KDM4C: variants seen among roughly 807,000 people sequenced by gnomAD.
The protein encoded by KDM4C is lysine demethylase 4C.
Under a neutral mutation model 129.3 loss-of-function variants are expected in KDM4C, and 81 were observed. That is an observed-to-expected ratio of 0.63 (90% confidence interval 0.52 to 0.75). KDM4C has a LOEUF of 0.75. Among genes scored for constraint, KDM4C ranks in the 30% least tolerant of loss-of-function variants. The pLI, the probability that KDM4C is intolerant of heterozygous loss-of-function variation, is 0.00. For synonymous variants in KDM4C, 573 were observed against 456.1 expected, an observed-to-expected ratio of 1.26 and a Z score of -3.26; for missense variants, 1,457 against 1,304.0, an observed-to-expected ratio of 1.12 and a Z score of -1.81.
At chr9:6,768,674 C>G (rs1467814258) in intron 1 of KDM4C, among the ~76,000 whole-genome samples, 1 of 152,074 alleles carries the variant, frequency 6.6e-6, no homozygotes, top group Non-Finnish European at 1.5e-5. Flanking sequence ...AAGCATCCTT[C>G]AATCTCAAAT....
At chr9:6,930,741 A>T (rs1347906549) in intron 8 of KDM4C, among the ~76,000 whole-genome samples, 1 of 136,800 alleles carries the variant, frequency 7.3e-6, no homozygotes, top group African/African-American at 2.5e-5. Context: ...TAATTATATT[A>T]TTATGTATCA....
intron 15 of KDM4C, among the ~76,000 whole-genome samples, chr9:7,027,580 A>G (rs1220594858): frequency 6.6e-6 from 1 of 152,104 alleles, no homozygotes; most frequent in Non-Finnish European, 1.5e-5. Context: ...GCCCACTGTA[A>G]CCACTACTTG....
At chr9:6,907,336 A>T (rs191074029) in intron 8 of KDM4C, among the ~76,000 whole-genome samples, 28 of 152,304 alleles carry the variant, frequency 1.8e-4, no homozygotes, top group Middle Eastern at 3.4e-3. Flanking sequence ...GCAAACCCTC[A>T]TCTTTTATGC....
Position 6,758,026 on chromosome 9 carries a change from G to C in KDM4C, c.-195G>C, listed in dbSNP as rs1451644166. ...CTGCCTCCCACCCACCCCCTCGACG[G>C]GAGGGTGAGGCGCGGCGCAGTGATC... On this transcript the variant is annotated 5_prime_UTR_variant, in exon 1 of 22. Transcript: ENST00000381309. The surrounding 1 kb of genome is among the most constrained non-coding windows in gnomAD (Gnocchi z 4.6). 1 of 985,344 alleles carries C rather than the reference G, an allele frequency of 1.0e-6. No homozygotes were observed. The highest frequency in any genetic ancestry group is 1.7e-5 in the African/African-American group (1 of 57,250). 61.0% of individuals were successfully genotyped at this position (985,344 alleles called of 1,614,324 possible).
At chr9:7,024,111 C>T (rs1455957838) in intron 15 of KDM4C, among the ~76,000 whole-genome samples, 4 of 152,054 alleles carry the variant, frequency 2.6e-5, no homozygotes, top group East Asian at 1.9e-4. Context: ...CTGTGACCTT[C>T]GTATGAAATG....
At chr9:6,722,625 T>C (rs1816992842) in intron 1 of KDM4C, among the ~76,000 whole-genome samples, 1 of 151,860 alleles carries the variant, frequency 6.6e-6, no homozygotes, top group African/African-American at 2.4e-5. Flanking sequence ...GTGATTCTCC[T>C]GCCTCAGGCT....
rs1430221791 is a variant in KDM4C at position 6,888,068 on chromosome 9, G to A, written c.783+5G>A. The A allele has an allele frequency of 1.4e-6, 2 of 1,423,104 alleles. No individual in the cohort carries two copies. The highest frequency in any genetic ancestry group is 2.0e-6 in the Non-Finnish European group (2 of 1,016,958). The allele number at this position is 1,423,104 out of a possible 1,614,324, so 88.2% of individuals were successfully genotyped here. On this transcript the variant is annotated splice_donor_5th_base_variant and intron_variant, in intron 7 of 21. Coordinates refer to ENST00000381309, the MANE Select transcript of KDM4C (RefSeq NM_015061.6). ...TATGGTATTCCCTTTGACAAGGTAT[G>A]TTAGTATTCATCTTACACAAATTAA...
Position 6,923,034 on chromosome 9 carries a change from A to G in KDM4C, c.921+29802A>G, listed in dbSNP as rs1821820726. On this transcript the variant is annotated intron_variant, in intron 8 of 21. Coordinates refer to ENST00000381309, the MANE Select transcript of KDM4C (RefSeq NM_015061.6). Reference sequence around the variant, plus strand: ...TTTCTTGTTTTGTCATATGCTTTAGATTCTCCTCAGGTATGAATTTTCTCC... The same window carrying G: ...TTTCTTGTTTTGTCATATGCTTTAGGTTCTCCTCAGGTATGAATTTTCTCC... 2.0e-5 allele frequency among the ~76,000 whole-genome samples: 3 copies of G among 152,206 alleles called. No homozygotes were observed. The South Asian group carries it at 6.2e-4, about 32-fold the overall frequency.
At chr9:6,850,236 A>G (rs1347020638) in intron 5 of KDM4C, among the ~76,000 whole-genome samples, 4 of 152,212 alleles carry the variant, frequency 2.6e-5, no homozygotes, top group Admixed American at 6.5e-5. Context: ...TAAGTGATGC[A>G]TGACTGTATA....
intron 17 of KDM4C, among the ~76,000 whole-genome samples, chr9:7,072,156 G>A (rs1296566772): frequency 6.6e-6 from 1 of 152,158 alleles, no homozygotes; most frequent in African/African-American, 2.4e-5. Context: ...ACAGTGTCAA[G>A]TAGTGATGCT....
intron 8 of KDM4C, among the ~76,000 whole-genome samples, chr9:6,937,642 G>A (rs72701486): frequency 1.2e-3 from 184 of 152,178 alleles, no homozygotes; most frequent in Non-Finnish European, 2.3e-3. Context: ...CTACATAATA[G>A]AACATTGCTT....
intron 5 of KDM4C, among the ~76,000 whole-genome samples, chr9:6,865,728 C>G (rs540895188): frequency 6.7e-6 from 1 of 149,088 alleles, no homozygotes. Flanking sequence ...CCATGCCTAG[C>G]TAATTTTTTT....
chr9:7,019,799 A>T (rs1185254298), intron 15 of KDM4C, among the ~76,000 whole-genome samples: 1 of 147,092 alleles, frequency 6.8e-6, no homozygotes, highest in African/African-American at 2.5e-5. Context: ...TTTTAGAAGC[A>T]AAGACATCTT....
intron 8 of KDM4C, among the ~76,000 whole-genome samples, chr9:6,968,124 T>C (rs1168861345): frequency 6.6e-6 from 1 of 152,142 alleles, no homozygotes; most frequent in Non-Finnish European, 1.5e-5. Context: ...TGTTTTAAAA[T>C]TTTTCAAAAG....
chr9:7,067,382 G>A (rs1280865665), intron 17 of KDM4C, among the ~76,000 whole-genome samples: 3 of 152,246 alleles, frequency 2.0e-5, no homozygotes, highest in Non-Finnish European at 4.4e-5. Context: ...GTGGCGGGTG[G>A]CAGCCCACCT....
chr9:6,854,746 A>G (rs1286326321), intron 5 of KDM4C, among the ~76,000 whole-genome samples: 2 of 152,238 alleles, frequency 1.3e-5, no homozygotes, highest in Non-Finnish European at 2.9e-5. Flanking sequence ...AATACTGTGT[A>G]GCAGTTAAGA....
At chr9:6,990,704 G>A (rs1161817864) in intron 12 of KDM4C, among the ~76,000 whole-genome samples, 180 bp downstream of exon 12, 1 of 152,220 alleles carries the variant, frequency 6.6e-6, no homozygotes, top group South Asian at 2.1e-4. Context: ...AGGTAAAGAC[G>A]TACTTCATAT....
rs537957609 is a variant in KDM4C, at chr9:6,859,797, G to A, written c.629+10097G>A. On this transcript the variant is annotated intron_variant, in intron 5 of 21. Transcript: ENST00000381309. ...AGAGAATGGCGTGAACCTGAGATGC[G>A]GAGCTTGTAGCAAGCCGAGATCGTG... Among the ~76,000 whole-genome samples the A allele has an allele frequency of 1.3e-4, 20 of 150,812 alleles. No individual in the cohort carries two copies. The East Asian group carries it at 2.3e-3, about 18-fold the overall frequency.
chr9:6,757,955 G>A, upstream of KDM4C: 4 of 985,382 alleles, frequency 4.1e-6, no homozygotes, highest in Non-Finnish European at 4.8e-6. Flanking sequence ...GTGACGGCGC[G>A]CGCGCCCTCG....
Sources: allele counts gnomAD v4.1 joint callset (sites outside exome capture counted in the v4.1 genomes callset), GRCh38; gene constraint gnomAD v4.1.1; non-coding constraint Gnocchi (gnomAD v3.1); transcripts MANE v1.5; gene names NCBI Gene and HGNC (gene_info 2026-07-23, HGNC 2026-07-21).